DPP10: variants seen among roughly 807,000 people sequenced by gnomAD.
DPP10 encodes dipeptidyl peptidase like 10.
A neutral mutation model predicts 120.9 loss-of-function variants in DPP10; 33 were observed. The observed-to-expected ratio is 0.27, with a 90% CI of 0.21 to 0.37. DPP10 has a LOEUF of 0.37. Ranked by LOEUF, DPP10 falls within the 10% of genes least tolerant of loss-of-function variation. The pLI is 1.00. For synonymous variants in DPP10, 337 were observed against 326.1 expected (o/e 1.03, Z -0.36); for missense variants, 816 against 942.8 (o/e 0.87, Z 1.76).
chr2:115,338,065 A>G (rs942128123), intron 2 of DPP10, among the ~76,000 whole-genome samples: 2 of 152,136 alleles, frequency 1.3e-5, no homozygotes, highest in Non-Finnish European at 2.9e-5. Context: ...TTATTAAACT[A>G]TTCCAGAGCA....
At chr2:115,354,037 A>G (rs541769829) in intron 3 of DPP10, among the ~76,000 whole-genome samples, 1 of 152,320 alleles carries the variant, frequency 6.6e-6, no homozygotes, top group South Asian at 2.1e-4. Flanking sequence ...AGATATTTTT[A>G]GAAAATGTAA....
intron 3 of DPP10, among the ~76,000 whole-genome samples, chr2:115,458,465 A>T (rs2073756413): frequency 6.6e-6 from 1 of 152,052 alleles, no homozygotes; most frequent in Admixed American, 6.5e-5. Context: ...ACATGTAGAA[A>T]GTTTCCTCTA....
At chr2:115,232,322 T>TG (rs1174839654) in intron 1 of DPP10, among the ~76,000 whole-genome samples, 2 of 112,430 alleles carry the variant, frequency 1.8e-5, no homozygotes, top group African/African-American at 5.1e-5. Flanking sequence ...ACCATTTTTC[T>TG]GGAAAAAAAA....
intron 21 of DPP10, among the ~76,000 whole-genome samples, chr2:115,835,613 A>G (rs1689402236): frequency 6.6e-6 from 1 of 152,210 alleles, no homozygotes; most frequent in Non-Finnish European, 1.5e-5. Context: ...CCAGAGAGGC[A>G]TATTTAGGGT....
At chr2:114,864,597 G>A (rs560383026) in intron 1 of DPP10, among the ~76,000 whole-genome samples, 4 of 152,188 alleles carry the variant, frequency 2.6e-5, no homozygotes, top group Non-Finnish European at 5.9e-5. Flanking sequence ...AGGAAACTTG[G>A]AAAGAGTCAG....
At chr2:115,786,271 G>A (rs1039687387) in intron 17 of DPP10, among the ~76,000 whole-genome samples, 2 of 152,126 alleles carry the variant, frequency 1.3e-5, no homozygotes, top group African/African-American at 4.8e-5. Context: ...ACGCATAAAA[G>A]TGTTCACATT....
intron 4 of DPP10, among the ~76,000 whole-genome samples, chr2:115,508,859 C>T (rs997960776): frequency 3.3e-5 from 5 of 152,226 alleles, no homozygotes; most frequent in South Asian, 2.1e-4. Context: ...GCTGAGATAG[C>T]GCCACTGCAC....
At chr2:115,607,822 G>A (rs1311653967) in intron 5 of DPP10, among the ~76,000 whole-genome samples, 2 of 152,176 alleles carry the variant, frequency 1.3e-5, no homozygotes, top group South Asian at 2.1e-4. Flanking sequence ...CGCCTGGGTG[G>A]AAACGACATA....
rs1692863264 is a variant in DPP10, at chr2:114,606,976, A to G, written c.60+164138A>G. Among the ~76,000 whole-genome samples the G allele has an allele frequency of 3.3e-5, 5 of 152,202 alleles. No individual in the cohort carries two copies. In the South Asian group the frequency reaches 1.0e-3, roughly 31 times the overall value. ...TTCAAGGAGAGAGTGCTAAAATGAA[A>G]AGTACCATAAAAGCTCTGGAGTAGC... On this transcript the variant is annotated intron_variant, in intron 1 of 25. Transcript: ENST00000410059.
chr2:114,971,908 A>T (rs549908375), intron 1 of DPP10, among the ~76,000 whole-genome samples: 67 of 152,308 alleles, frequency 4.4e-4, no homozygotes, highest in Non-Finnish European at 8.7e-4. Flanking sequence ...TGATAAAATG[A>T]CCAAGGCACC....
intron 1 of DPP10, among the ~76,000 whole-genome samples, chr2:115,200,215 G>A (rs561462833): frequency 4.6e-5 from 7 of 152,270 alleles, no homozygotes; most frequent in South Asian, 2.1e-4. Flanking sequence ...TCGGTTGGGC[G>A]TCTTTTCCAT....
intron 1 of DPP10, among the ~76,000 whole-genome samples, chr2:114,659,401 G>T (rs992803412): frequency 1.3e-5 from 2 of 151,994 alleles, no homozygotes; most frequent in African/African-American, 2.4e-5. Flanking sequence ...GGGGACTATT[G>T]CTTAATCTTT....
intron 1 of DPP10, among the ~76,000 whole-genome samples, chr2:115,079,618 C>G (rs1442970093): frequency 6.6e-6 from 1 of 152,204 alleles, no homozygotes; most frequent in South Asian, 2.1e-4. Context: ...GCTGGAGAAG[C>G]AGCCCATGGG....
chr2:115,653,077 C>T (rs1253617780), intron 5 of DPP10, among the ~76,000 whole-genome samples: 1 of 151,970 alleles, frequency 6.6e-6, no homozygotes. Flanking sequence ...ATACTTCACA[C>T]ACAGAAAACA....
intron 1 of DPP10, among the ~76,000 whole-genome samples, chr2:115,202,976 C>A (rs182939072): frequency 9.0e-4 from 137 of 152,136 alleles, no homozygotes; most frequent in Admixed American, 7.1e-3. Flanking sequence ...ACAACAACAA[C>A]AAAAAATCTT....
intron 21 of DPP10, among the ~76,000 whole-genome samples, chr2:115,816,961 T>G (rs1687298738): frequency 7.0e-6 from 1 of 142,074 alleles, no homozygotes; most frequent in African/African-American, 2.5e-5. Context: ...ATTATAAAGG[T>G]AAAAAGGCCA....
rs869085100 is a variant in DPP10, at chr2:115,820,799, ATG to A, written c.1950+5106_1950+5107del. ...ATGGCTGAGTAGTATTCCATGGTGT[ATG>A]TGTGTGTGTGTGTGTGTGTGTGTGT... is the stretch of plus-strand genomic sequence containing the variant. On this transcript the variant is annotated intron_variant, in intron 21 of 25. Coordinates refer to ENST00000410059, the MANE Select transcript of DPP10 (RefSeq NM_020868.6). 5.6e-4 allele frequency among the ~76,000 whole-genome samples: 59 copies of A among 105,584 alleles called. 1 individual carries two copies. Among genetic ancestry groups the A allele is most frequent in the African/African-American group, 2.1e-3 (44 of 21,042 alleles). 69.3% of individuals were successfully genotyped at this position (105,584 alleles called of 152,430 possible).
intron 1 of DPP10, among the ~76,000 whole-genome samples, chr2:114,842,380 C>T (rs575238865): frequency 6.6e-6 from 1 of 152,146 alleles, no homozygotes; most frequent in African/African-American, 2.4e-5. Context: ...AAATTCTTCA[C>T]GGGCATATCC....
chr2:114,769,144 A>G (rs901297370), intron 1 of DPP10, among the ~76,000 whole-genome samples: 1 of 152,174 alleles, frequency 6.6e-6, no homozygotes, highest in Non-Finnish European at 1.5e-5. Flanking sequence ...TTTAGAGTAG[A>G]TTAAATGAAT....
Sources: allele counts gnomAD v4.1 joint callset (sites outside exome capture counted in the v4.1 genomes callset), GRCh38; gene constraint gnomAD v4.1.1; transcripts MANE v1.5; gene names NCBI Gene and HGNC (gene_info 2026-07-23, HGNC 2026-07-21).